WWOX: variants seen among roughly 807,000 people sequenced by gnomAD.
The protein encoded by WWOX is WW domain containing oxidoreductase.
WWOX carries 69 observed loss-of-function variants against 46.2 expected under a neutral mutation model. That is an observed-to-expected ratio of 1.49 (90% confidence interval 1.23 to 1.82). The LOEUF is 1.82. Among genes scored for constraint, WWOX ranks in the 40% most tolerant of loss-of-function variants. WWOX has a pLI of 0.00. For missense variants in WWOX, 919 were observed against 542.6 expected, an observed-to-expected ratio of 1.69 and a Z score of -6.89; for synonymous variants, 359 against 202.6, an observed-to-expected ratio of 1.77 and a Z score of -6.56.
chr16:78,859,613 T>C (rs2052669331), intron 8 of WWOX, among the ~76,000 whole-genome samples: 1 of 152,300 alleles, frequency 6.6e-6, no homozygotes, highest in East Asian at 1.9e-4. Flanking sequence ...TGTTCAGCAT[T>C]TTATGTGTCA....
At chr16:78,145,421 TG>T (rs555390510) in intron 4 of WWOX, among the ~76,000 whole-genome samples, 158 of 152,144 alleles carry the variant, frequency 1.0e-3, no homozygotes, top group African/African-American at 3.5e-3. Flanking sequence ...GTCCAAAAGC[TG>T]AAGAACTTGG....
chr16:78,388,317 C>G (rs1282380588), intron 6 of WWOX, among the ~76,000 whole-genome samples: 1 of 152,170 alleles, frequency 6.6e-6, no homozygotes, highest in East Asian at 1.9e-4. Context: ...ACACATGAAC[C>G]ACTGCGCCCA....
At chr16:78,669,142 A>G (rs1384419626) in intron 8 of WWOX, among the ~76,000 whole-genome samples, 4 of 152,126 alleles carry the variant, frequency 2.6e-5, no homozygotes, top group Non-Finnish European at 5.9e-5. Context: ...CTCCACCACA[A>G]GGAAGCTGGA....
At chr16:78,139,893 A>G (rs1044070672) in intron 4 of WWOX, among the ~76,000 whole-genome samples, 1 of 152,158 alleles carries the variant, frequency 6.6e-6, no homozygotes, top group Admixed American at 6.6e-5. Context: ...CACTTTAGGA[A>G]ATGCATCTCA....
chr16:78,688,814 G>A (rs1182955307), intron 8 of WWOX, among the ~76,000 whole-genome samples: 1 of 152,114 alleles, frequency 6.6e-6, no homozygotes, highest in East Asian at 1.9e-4. Context: ...GTCATGGGAG[G>A]GACCCAGTGG....
At chr16:78,816,689 A>G (rs559294836) in intron 8 of WWOX, among the ~76,000 whole-genome samples, 3 of 151,932 alleles carry the variant, frequency 2.0e-5, no homozygotes, top group Non-Finnish European at 4.4e-5. Flanking sequence ...GGACACTTTT[A>G]TGTCACTTTA....
At chr16:78,119,740 ACTGGTGTGAGCCACTGTGC>A (rs1389511044) in intron 4 of WWOX, among the ~76,000 whole-genome samples, 1 of 151,912 alleles carries the variant, frequency 6.6e-6, no homozygotes, top group Non-Finnish European at 1.5e-5. Flanking sequence ...TACTGAGATT[ACTGGTGTGAGCCACTGTGC>A]CCAGATGCTA....
chr16:79,005,757 A>G (rs1287600145), intron 8 of WWOX, among the ~76,000 whole-genome samples: 3 of 152,122 alleles, frequency 2.0e-5, no homozygotes, highest in Admixed American at 6.5e-5. Context: ...CAAAGACCCT[A>G]TTTCCAAATA....
intron 8 of WWOX, among the ~76,000 whole-genome samples, chr16:78,943,279 C>T (rs1179056829): frequency 2.0e-5 from 3 of 149,808 alleles, no homozygotes; most frequent in African/African-American, 7.7e-5. Flanking sequence ...TGCCCATTTC[C>T]TGGATAAGGA....
chr16:78,654,752 C>T (rs2047043604), intron 8 of WWOX, among the ~76,000 whole-genome samples: 1 of 151,806 alleles, frequency 6.6e-6, no homozygotes, highest in Admixed American at 6.6e-5. Flanking sequence ...CCTTTCTTAA[C>T]CTACATCCTA....
chr16:78,175,743 A>AAT (rs1270250932), intron 5 of WWOX, among the ~76,000 whole-genome samples: 9 of 152,310 alleles, frequency 5.9e-5, no homozygotes, highest in Admixed American at 5.2e-4. Flanking sequence ...TGACCCACAA[A>AAT]ATATGGTAAG....
chr16:78,604,570 T>G (rs1195561305), intron 8 of WWOX, among the ~76,000 whole-genome samples: 4 of 152,178 alleles, frequency 2.6e-5, no homozygotes, highest in African/African-American at 9.7e-5. Context: ...TGTATCAATT[T>G]TAAAGTATTT....
chr16:78,526,002 C>G (rs915136207), intron 8 of WWOX: 5 of 152,224 alleles, frequency 3.3e-5, no homozygotes, highest in African/African-American at 9.6e-5. Flanking sequence ...CTATCTGCTT[C>G]TGACACCCAG....
intron 5 of WWOX, among the ~76,000 whole-genome samples, chr16:78,303,992 T>C (rs546497338): frequency 6.6e-6 from 1 of 152,340 alleles, no homozygotes; most frequent in Admixed American, 6.5e-5. Flanking sequence ...TAGCATGAAA[T>C]AGTTTTACTA....
intron 5 of WWOX, among the ~76,000 whole-genome samples, chr16:78,302,373 T>A (rs984911182): frequency 2.0e-5 from 3 of 152,170 alleles, no homozygotes; most frequent in Non-Finnish European, 4.4e-5. Context: ...TCCCAGAAGT[T>A]GCCTCAGCCT....
intron 5 of WWOX, among the ~76,000 whole-genome samples, chr16:78,320,225 C>G (rs934894448): frequency 6.6e-6 from 1 of 152,162 alleles, no homozygotes; most frequent in Non-Finnish European, 1.5e-5. Flanking sequence ...AGGTACAGAA[C>G]TGAAATTTTC....
chr16:78,944,363 C>G (rs1399423758), intron 8 of WWOX, among the ~76,000 whole-genome samples: 1 of 152,142 alleles, frequency 6.6e-6, no homozygotes, highest in Non-Finnish European at 1.5e-5. Context: ...AAGATAGGAG[C>G]TGTCTTATCT....
intron 8 of WWOX, among the ~76,000 whole-genome samples, chr16:78,879,241 G>C (rs2044293677): frequency 6.6e-6 from 1 of 152,136 alleles, no homozygotes; most frequent in South Asian, 2.1e-4. Flanking sequence ...GGGCATGCCG[G>C]GCAGGCTTTT....
chr16:78,758,057 A>G (rs2049699957), intron 8 of WWOX, among the ~76,000 whole-genome samples: 1 of 152,120 alleles, frequency 6.6e-6, no homozygotes, highest in Admixed American at 6.6e-5. Flanking sequence ...TGCCCCTATT[A>G]TTATTAATAT....
Sources: allele counts gnomAD v4.1 joint callset (sites outside exome capture counted in the v4.1 genomes callset), GRCh38; gene constraint gnomAD v4.1.1; transcripts MANE v1.5; gene names NCBI Gene and HGNC (gene_info 2026-07-23, HGNC 2026-07-21).